EIF4G3: variants seen among roughly 807,000 people sequenced by gnomAD.
EIF4G3 encodes eukaryotic translation initiation factor 4 gamma 3.
Under a neutral mutation model 186.4 loss-of-function variants are expected in EIF4G3, and 34 were observed. The ratio of observed to expected loss-of-function variants is 0.18; its 90% CI spans 0.14 to 0.24. EIF4G3 has a LOEUF of 0.24. Among genes scored for constraint, EIF4G3 ranks in the 10% least tolerant of loss-of-function variants. The probability of loss-of-function intolerance (pLI) is 1.00; values close to 1 mark genes in which losing one functional copy is unlikely to be tolerated. For missense variants in EIF4G3, 1,536 were observed against 1,948.5 expected (o/e 0.79, Z 3.99); for synonymous variants, 673 against 679.5 (o/e 0.99, Z 0.15).
chr1:20,807,043 C>G lies in EIF4G3; in HGVS notation c.*276G>C. The G allele has an allele frequency of 4.6e-6, 1 of 217,956 alleles. No individual in the cohort carries two copies. The highest frequency in any genetic ancestry group is 8.8e-6 in the Non-Finnish European group (1 of 113,080). The allele number at this position is 217,956 out of a possible 1,614,324, so 13.5% of individuals were successfully genotyped here. A position where few individuals can be genotyped will look rare whatever the true frequency, so the allele number is the denominator to read the frequency against. On this transcript the variant is annotated 3_prime_UTR_variant, in exon 37 of 37. Coordinates refer to ENST00000602326, the MANE Select transcript of EIF4G3 (RefSeq NM_001391906.1). ...CTAAACATTTTTTTAAGTATGAGTC[C>G]TTGTTTAAAAAGAAAAGATTAAAAC...
intron 20 of EIF4G3, among the ~76,000 whole-genome samples, chr1:20,874,762 A>G (rs1386177057): frequency 6.6e-6 from 1 of 152,242 alleles, no homozygotes; most frequent in South Asian, 2.1e-4. Flanking sequence ...GAATTTTGCT[A>G]AAGAAATCTT....
intron 2 of EIF4G3, among the ~76,000 whole-genome samples, chr1:21,151,829 TACC>T (rs2097556587): frequency 6.6e-6 from 1 of 152,156 alleles, no homozygotes; most frequent in African/African-American, 2.4e-5. Flanking sequence ...TCTGTTACAT[TACC>T]TAGGGCCACA....
intron 4 of EIF4G3, among the ~76,000 whole-genome samples, chr1:21,048,015 C>T (rs940100245): frequency 2.0e-5 from 3 of 152,166 alleles, no homozygotes; most frequent in African/African-American, 7.2e-5. Flanking sequence ...GGTGGCAAAA[C>T]AGACCACAAA....
chr1:20,878,620 T>C (rs1487254877), intron 20 of EIF4G3, among the ~76,000 whole-genome samples: 1 of 152,104 alleles, frequency 6.6e-6, no homozygotes, highest in Admixed American at 6.6e-5. Context: ...GGCACGACAA[T>C]GAGTTGTAAT....
chr1:21,114,424 C>T (rs767158914), intron 2 of EIF4G3, among the ~76,000 whole-genome samples: 3 of 152,186 alleles, frequency 2.0e-5, no homozygotes, highest in Non-Finnish European at 4.4e-5. Flanking sequence ...CCACCGTGCC[C>T]GGCCCTTGAA....
At chr1:21,025,447 G>GA (rs1000525709) in intron 4 of EIF4G3, among the ~76,000 whole-genome samples, 86 of 146,918 alleles carry the variant, frequency 5.9e-4, no homozygotes, top group African/African-American at 1.5e-3. Context: ...GATCTCGACA[G>GA]AAAAAAAAAA....
intron 3 of EIF4G3, among the ~76,000 whole-genome samples, chr1:21,075,505 G>GT (rs1197769062): frequency 7.0e-6 from 1 of 143,690 alleles, no homozygotes; most frequent in Non-Finnish European, 1.5e-5. Flanking sequence ...GGAGGCGGAG[G>GT]TTGCAGCAAG....
intron 14 of EIF4G3, among the ~76,000 whole-genome samples, chr1:20,915,817 C>T (rs2093799258): frequency 6.6e-6 from 1 of 152,142 alleles, no homozygotes. Context: ...ACAATGTTTA[C>T]TTTTACCACT....
chr1:20,985,097 T>C (rs993712216), intron 7 of EIF4G3, among the ~76,000 whole-genome samples: 10 of 152,190 alleles, frequency 6.6e-5, no homozygotes, highest in African/African-American at 2.4e-4. Flanking sequence ...TACCCCCATA[T>C]TTTCACATAA....
At chr1:20,811,298 A>C (rs1321477234) in intron 35 of EIF4G3, among the ~76,000 whole-genome samples, 2 of 152,134 alleles carry the variant, frequency 1.3e-5, no homozygotes, top group Non-Finnish European at 2.9e-5. Flanking sequence ...TAAATAATAG[A>C]GACAGGGTCT....
chr1:21,110,742 T>C (rs2096711285), intron 2 of EIF4G3, among the ~76,000 whole-genome samples: 1 of 151,930 alleles, frequency 6.6e-6, no homozygotes, highest in Non-Finnish European at 1.5e-5. Flanking sequence ...TTTTTTTGTA[T>C]TTTTAGTAGA....
rs761596527 is a variant in EIF4G3 at position 20,973,058 on chromosome 1, G to C, written c.535C>G (p.Pro179Ala). The C allele has an allele frequency of 6.2e-7, 1 of 1,611,388 alleles. No homozygotes were observed. Among genetic ancestry groups the C allele is most frequent in the South Asian group, 1.1e-5 (1 of 90,122 alleles). Residue 179 changes from proline (P) to alanine (A), a missense_variant, in exon 11 of 37, where the codon CCT becomes GCT. By Grantham distance (27) the Pro-to-Ala change is conservative. This residue lies in a region of EIF4G3 where 194 missense variants were observed against 212.8 expected (regional missense o/e 0.91). Transcript: ENST00000602326. ...TGTTGCTGCGTAGGCACTATGATAG[G>C]TGCTGACTGATACACCGGCTGACTT... ...YPSQPVYQSA[P>A]IIVPTQQQPP...
At chr1:20,871,829 G>C (rs910406422) in intron 20 of EIF4G3, among the ~76,000 whole-genome samples, 1 of 151,928 alleles carries the variant, frequency 6.6e-6, no homozygotes, top group South Asian at 2.1e-4. Flanking sequence ...TCTTTTCTCT[G>C]TCTTTTTTTT....
At chr1:20,978,528 T>C (rs1380714307) in intron 10 of EIF4G3, among the ~76,000 whole-genome samples, 1 of 152,134 alleles carries the variant, frequency 6.6e-6, no homozygotes, top group Non-Finnish European at 1.5e-5. Context: ...ATTCATAAGA[T>C]TTAAATTGCA....
chr1:20,876,238 AAAAAAAAAAAAG>A, intron 20 of EIF4G3, among the ~76,000 whole-genome samples: 1 of 149,216 alleles, frequency 6.7e-6, no homozygotes, highest in African/African-American at 2.4e-5. Context: ...AAAAAAAAAA[AAAAAAAAAAAAG>A]ACAAGGAGGG....
At chr1:20,849,066 A>C (rs1053858413) in intron 29 of EIF4G3, among the ~76,000 whole-genome samples, 171 of 150,356 alleles carry the variant, frequency 1.1e-3, no homozygotes, top group Middle Eastern at 6.8e-3. Flanking sequence ...AAAAAAAAAA[A>C]AAAAAAAAAG....
intron 2 of EIF4G3, among the ~76,000 whole-genome samples, chr1:21,125,672 T>C (rs980887375): frequency 2.0e-5 from 3 of 151,734 alleles, no homozygotes; most frequent in Admixed American, 6.6e-5. Context: ...TGAGCCGAGA[T>C]TGTGCCATTG....
At chr1:20,988,882 G>A (rs1217143797) in intron 7 of EIF4G3, among the ~76,000 whole-genome samples, 2 of 151,054 alleles carry the variant, frequency 1.3e-5, no homozygotes, top group Non-Finnish European at 1.5e-5. Flanking sequence ...AAAACTTCCT[G>A]GAAAGGATTC....
chr1:20,933,884 T>C (rs796636615), intron 14 of EIF4G3, among the ~76,000 whole-genome samples: 9 of 152,246 alleles, frequency 5.9e-5, no homozygotes, highest in African/African-American at 1.9e-4. Context: ...TGTCAGATAA[T>C]TGGAAATTTA....
Sources: gnomAD v4.1 joint callset for allele counts (sites outside exome capture counted in the v4.1 genomes callset) on GRCh38, gnomAD v4.1.1 for gene constraint, gnomAD v4.1.1 regional missense constraint, MANE v1.5 for transcripts, NCBI Gene and HGNC (gene_info 2026-07-23, HGNC 2026-07-21) for gene names.